The following USP34 variants were observed in gnomAD, a reference collection of about 807,000 sequenced individuals.
USP34 encodes the protein ubiquitin carboxyl-terminal hydrolase 34.
Under a neutral mutation model 460.3 loss-of-function variants are expected in USP34, and 70 were observed. That is an observed-to-expected ratio of 0.15 (90% confidence interval 0.13 to 0.19). The LOEUF is 0.19. USP34 is among the 10% of genes least tolerant of loss of function. The pLI, the probability that USP34 is intolerant of heterozygous loss-of-function variation, is 1.00. For synonymous variants in USP34, 1,647 were observed against 1,405.3 expected, an observed-to-expected ratio of 1.17 and a Z score of -3.85; for missense variants, 3,985 against 4,236.2, an observed-to-expected ratio of 0.94 and a Z score of 1.65.
chr2:61,447,753 T>A (rs901199214), intron 1 of USP34, among the ~76,000 whole-genome samples: 3 of 152,204 alleles, frequency 2.0e-5, no homozygotes, highest in Admixed American at 6.5e-5. Flanking sequence ...TCTCACTCTG[T>A]CGCCTAGGCT....
chr2:61,218,537 C>G (rs1687469216), intron 67 of USP34, among the ~76,000 whole-genome samples: 1 of 151,934 alleles, frequency 6.6e-6, no homozygotes, highest in Non-Finnish European at 1.5e-5. Context: ...ACTAACCAAA[C>G]TCTCCACTTT....
chr2:61,469,571 A>G (rs1388995351), intron 1 of USP34, among the ~76,000 whole-genome samples: 1 of 152,246 alleles, frequency 6.6e-6, no homozygotes, highest in Non-Finnish European at 1.5e-5. Flanking sequence ...GTCTTTGGTC[A>G]TTAAAGTGAC....
At chr2:61,361,024 A>C (rs1360456947) in intron 10 of USP34, among the ~76,000 whole-genome samples, 3 of 152,214 alleles carry the variant, frequency 2.0e-5, no homozygotes, top group Non-Finnish European at 4.4e-5. Context: ...GAACCACAAA[A>C]GGCCCCAAAT....
At chr2:61,207,593 T>A (rs914701202) in intron 70 of USP34, 1 of 152,202 alleles carries the variant, frequency 6.6e-6, no homozygotes. Context: ...GAAACCAGTA[T>A]GTCTTGTTCA....
intron 50 of USP34, among the ~76,000 whole-genome samples, chr2:61,245,588 G>C (rs1246786300): frequency 6.6e-6 from 1 of 151,766 alleles, no homozygotes; most frequent in Non-Finnish European, 1.5e-5. Context: ...AAAATTAAGA[G>C]ATTGGGAGAA....
intron 75 of USP34, 142 bp from the exon 76 acceptor site, chr2:61,193,122 T>C (rs1052708536): frequency 1.6e-6 from 1 of 633,684 alleles, no homozygotes; most frequent in East Asian, 2.9e-5. Flanking sequence ...AGGGGAAAAA[T>C]TCATTCCAAT....
chr2:61,295,069 G>A lies in USP34; in HGVS notation c.4378-37C>T, dbSNP rs778739826. The A allele has an allele frequency of 3.4e-5, 54 of 1,603,284 alleles. No homozygotes were observed. The South Asian group carries it at 5.8e-4, about 17-fold the overall frequency. ...GCAAAAAAAGTAAGGCAGAATGGCG[G>A]AAGAAAGAATTATTATAGAATGGAA... is the stretch of plus-strand genomic sequence containing the variant. On this transcript the variant is annotated intron_variant, in intron 31 of 79. Coordinates refer to ENST00000398571, the MANE Select transcript of USP34 (RefSeq NM_014709.4).
rs535493401 is a variant in USP34 at position 61,364,345 on chromosome 2, A to G, written c.1251+5976T>C. On this transcript the variant is annotated intron_variant, in intron 10 of 79. Transcript: ENST00000398571. ...TGTGCTGCTGCATCCAGCCCAAGTG[A>G]TACAGCAAGACGCTGTCTCCAAAAA... 5.9e-5 allele frequency among the ~76,000 whole-genome samples: 9 copies of G among 152,346 alleles called. No homozygotes were observed. In the South Asian group the frequency reaches 1.4e-3, roughly 25 times the overall value.
intron 3 of USP34, among the ~76,000 whole-genome samples, chr2:61,405,325 CT>C (rs945227293): frequency 2.8e-4 from 42 of 150,408 alleles, no homozygotes; most frequent in Admixed American, 1.4e-3. Context: ...ATTTGCTAAG[CT>C]TTTTTTTCTT....
chr2:61,284,030 C>G (rs1689615147), intron 35 of USP34, among the ~76,000 whole-genome samples: 1 of 151,676 alleles, frequency 6.6e-6, no homozygotes, highest in Admixed American at 6.6e-5. Context: ...GGTGTCTAGT[C>G]AATAAAAATA....
At chr2:61,256,830 G>T in intron 47 of USP34, 43 bp downstream of exon 47, 1 of 1,451,726 alleles carries the variant, frequency 6.9e-7, no homozygotes, top group South Asian at 1.4e-5. Context: ...TACACAAATA[G>T]GTAAAAGCAT....
At chr2:61,266,224 A>G in intron 41 of USP34, 57 bp from the exon 42 acceptor site, 1 of 1,475,002 alleles carries the variant, frequency 6.8e-7, no homozygotes, top group East Asian at 2.3e-5. Flanking sequence ...CATTCCAAAT[A>G]TAGTTAACAT....
At chr2:61,303,374 C>CGT (rs1690290046) in intron 27 of USP34, among the ~76,000 whole-genome samples, 1 of 151,546 alleles carries the variant, frequency 6.6e-6, no homozygotes, top group Non-Finnish European at 1.5e-5. Flanking sequence ...GCCAGAATAT[C>CGT]GTAACATCTT....
chr2:61,283,989 G>C (rs899477664), intron 35 of USP34, among the ~76,000 whole-genome samples: 7 of 152,092 alleles, frequency 4.6e-5, no homozygotes, highest in Non-Finnish European at 8.8e-5. Context: ...TCCAGATAGA[G>C]CAGGAAGTTT....
chr2:61,340,596 C>G (rs915060740), intron 16 of USP34, among the ~76,000 whole-genome samples: 5 of 152,104 alleles, frequency 3.3e-5, no homozygotes, highest in Non-Finnish European at 7.4e-5. Flanking sequence ...ATTTCACATA[C>G]CTATTTTTAA....
intron 64 of USP34, 125 bp downstream of exon 64, chr2:61,222,935 G>T: frequency 1.2e-6 from 1 of 851,708 alleles, no homozygotes; most frequent in Non-Finnish European, 1.8e-6. Flanking sequence ...AGGCTCAAGC[G>T]ATCCTCCCGC....
chr2:61,188,607 A>C lies in USP34; in HGVS notation c.10136T>G (p.Val3379Gly). The C allele has an allele frequency of 6.2e-7, 1 of 1,613,860 alleles. No individual in the cohort carries two copies. The highest frequency in any genetic ancestry group is 8.5e-7 in the Non-Finnish European group (1 of 1,179,964). ...ISDMKTETRE[V>G]LTPTSTSDNE... is the part of the protein sequence containing the mutation. ...GTCAGAAGTGCTCGTTGGGGTCAGG[A>C]CCTCCCTGGTTTCTGTTTTCATGTC... is the stretch of plus-strand genomic sequence containing the variant. Residue 3379 changes from valine to glycine, a missense_variant, in exon 80 of 80, where the codon GTC becomes GGC. Coordinates refer to ENST00000398571, the MANE Select transcript of USP34 (RefSeq NM_014709.4).
intron 1 of USP34, among the ~76,000 whole-genome samples, chr2:61,437,919 A>G (rs1050066221): frequency 2.0e-5 from 3 of 152,050 alleles, no homozygotes; most frequent in Non-Finnish European, 4.4e-5. Flanking sequence ...AATCTACCAA[A>G]TATTTACAGA....
At chr2:61,342,565 G>C (rs1388719820) in intron 16 of USP34, among the ~76,000 whole-genome samples, 2 of 151,776 alleles carry the variant, frequency 1.3e-5, no homozygotes, top group Non-Finnish European at 2.9e-5. Context: ...GCCCACCTCA[G>C]CCTTCCAAAG....
Sources: allele counts gnomAD v4.1 joint callset (sites outside exome capture counted in the v4.1 genomes callset), GRCh38; gene constraint gnomAD v4.1.1; transcripts MANE v1.5; gene names NCBI Gene and HGNC (gene_info 2026-07-23, HGNC 2026-07-21).